RIF1: variants seen among roughly 807,000 people sequenced by gnomAD.
RIF1 encodes the protein replication timing regulatory factor 1.
Under a neutral mutation model 247.1 loss-of-function variants are expected in RIF1, and 45 were observed. That is an observed-to-expected ratio of 0.18 (90% confidence interval 0.14 to 0.23). The LOEUF is 0.23. RIF1 is among the 10% of genes least tolerant of loss of function. The probability of loss-of-function intolerance (pLI) is 1.00; values close to 1 mark genes in which losing one functional copy is unlikely to be tolerated. For synonymous variants in RIF1, 1,087 were observed against 978.8 expected (o/e 1.11, Z -2.06); for missense variants, 2,967 against 2,862.5 (o/e 1.04, Z -0.83).
intron 21 of RIF1, among the ~76,000 whole-genome samples, chr2:151,453,579 CAA>C (rs59661470): frequency 0.26 from 18,655 of 71,510 alleles, 987 homozygotes; most frequent in Admixed American, 0.36. Context: ...GACTCTGTCT[CAA>C]AAAAAAAAAA....
intron 10 of RIF1, 101 bp downstream of exon 10, chr2:151,433,329 G>A: frequency 1.1e-6 from 1 of 885,018 alleles, no homozygotes; most frequent in Non-Finnish European, 1.7e-6. Flanking sequence ...CTATTTATTA[G>A]CAGACTAGAA....
intron 21 of RIF1, among the ~76,000 whole-genome samples, chr2:151,452,182 C>T (rs904158752): frequency 1.3e-5 from 2 of 152,092 alleles, no homozygotes; most frequent in African/African-American, 2.4e-5. Context: ...TTTAACTCAT[C>T]GTTTACCTGA....
At chr2:151,505,133 T>C (rs184830411) in intron 12 of RIF1, among the ~76,000 whole-genome samples, 134 of 152,344 alleles carry the variant, frequency 8.8e-4, no homozygotes, top group Non-Finnish European at 1.5e-3. Flanking sequence ...TATATGCTTT[T>C]AGTTAAATTA....
intron 26 of RIF1, among the ~76,000 whole-genome samples, chr2:151,460,527 C>T (rs77532964): frequency 3.2e-3 from 51 of 15,980 alleles, no homozygotes; most frequent in African/African-American, 6.9e-3. Flanking sequence ...CACCTATGTT[C>T]TTATCAACTA....
chr2:151,512,175 T>C (rs2075001797), downstream of RIF1, among the ~76,000 whole-genome samples: 2 of 151,704 alleles, frequency 1.3e-5, no homozygotes, highest in African/African-American at 4.8e-5. Context: ...GGACTACAGG[T>C]GCCTGCCACC....
chr2:151,434,926 ATACT>A (rs1225137925), intron 10 of RIF1, among the ~76,000 whole-genome samples: 2 of 152,192 alleles, frequency 1.3e-5, no homozygotes, highest in African/African-American at 4.8e-5. Flanking sequence ...ACTTATAAAT[ATACT>A]TAAGCCATTT....
chr2:151,448,469 T>C (rs548452955), intron 20 of RIF1, among the ~76,000 whole-genome samples: 9 of 152,234 alleles, frequency 5.9e-5, no homozygotes, highest in Non-Finnish European at 1.3e-4. Flanking sequence ...TTAAATGGAT[T>C]TATATACATA....
In RIF1 at chr2:151,465,814, AGAT is replaced by A. The variant is rs1422170793; in HGVS notation, c.6295_6297del (p.Asp2099del). On this transcript the variant is annotated inframe_deletion, in exon 30 of 36. Coordinates refer to ENST00000444746, the MANE Select transcript of RIF1 (RefSeq NM_018151.5). The stretch of plus-strand genomic sequence containing the variant: ...AGTATAGTAAATCTGAAGAAAAATT[AGAT>A]AACAATCAAATGGTAATGGAAAGTG... 6.2e-7 allele frequency: 1 copy of A among 1,613,018 alleles called. No individual in the cohort carries two copies.
chr2:151,506,109 T>C lies in RIF1; in HGVS notation c.*862-101T>C, dbSNP rs926084817. The C allele has an allele frequency of 5.0e-6, 7 of 1,409,754 alleles. No individual in the cohort carries two copies. In the African/African-American group the frequency reaches 9.9e-5, roughly 20 times the overall value. The allele number at this position is 1,409,754 out of a possible 1,614,324, so 87.3% of individuals were successfully genotyped here. A position where few individuals can be genotyped will look rare whatever the true frequency, so the allele number is the denominator to read the frequency against. On this transcript the variant is annotated intron_variant and NMD_transcript_variant, in intron 12 of 13. Coordinates refer to the RIF1 transcript ENST00000454583. ...GGCTTTGAGTGCAACTCATAGGTCA[T>C]TGTAAATTATCAAAGGGAGGCAGAA...
At chr2:151,470,442 G>A (rs1031498912) in intron 34 of RIF1, among the ~76,000 whole-genome samples, 11 of 152,142 alleles carry the variant, frequency 7.2e-5, no homozygotes, top group African/African-American at 2.2e-4. Flanking sequence ...TTGGACTTCA[G>A]ATTTATTTCG....
the RIF1 span, chr2:151,516,573 G>A: frequency 6.4e-7 from 1 of 1,558,916 alleles, no homozygotes; most frequent in Admixed American, 1.7e-5. Flanking sequence ...CCTGGTGATA[G>A]AAAGCCATGT....
chr2:151,514,846 A>C, the RIF1 span: 1 of 1,583,988 alleles, frequency 6.3e-7, no homozygotes. Flanking sequence ...TGCATATTTG[A>C]CATGTAACAA....
At chr2:151,530,467 C>T in the RIF1 span, among the ~76,000 whole-genome samples, 5 of 152,238 alleles carry the variant, frequency 3.3e-5, no homozygotes, top group East Asian at 3.9e-4. Flanking sequence ...TAAACTGTTC[C>T]GAGGGAGCCA....
chr2:151,471,075 C>T (rs1327957430), intron 34 of RIF1, among the ~76,000 whole-genome samples: 1 of 152,062 alleles, frequency 6.6e-6, no homozygotes, highest in African/African-American at 2.4e-5. Context: ...GCTATCACTC[C>T]TCATTTCCAC....
downstream of RIF1, among the ~76,000 whole-genome samples, chr2:151,510,996 T>C (rs540390514): frequency 4.3e-4 from 65 of 152,336 alleles, no homozygotes; most frequent in Non-Finnish European, 7.2e-4. Context: ...CTGATCTGAA[T>C]TGGGGAGGAA....
At chr2:151,446,629 A>G in intron 20 of RIF1, 54 bp downstream of exon 20, 2 of 1,537,664 alleles carry the variant, frequency 1.3e-6, no homozygotes, top group South Asian at 1.2e-5. Flanking sequence ...GATTCTTTTC[A>G]AGTAAATGGA....
the RIF1 span, among the ~76,000 whole-genome samples, chr2:151,515,715 A>C: frequency 1.3e-5 from 2 of 152,234 alleles, no homozygotes; most frequent in Non-Finnish European, 2.9e-5. Context: ...ATTTACAGGA[A>C]AGTCACAAGA....
chr2:151,427,887 C>CCTCAA (rs1464042433), intron 8 of RIF1, among the ~76,000 whole-genome samples: 1 of 151,940 alleles, frequency 6.6e-6, no homozygotes, highest in Non-Finnish European at 1.5e-5. Context: ...TGAAACCCTG[C>CCTCAA]CTCAACCAAA....
intron 11 of RIF1, chr2:151,501,309 T>G: frequency 1.1e-6 from 1 of 931,184 alleles, no homozygotes; most frequent in Non-Finnish European, 1.7e-6. Flanking sequence ...TTGATTATTA[T>G]AAAGGGATGA....
Sources: gnomAD v4.1 joint callset for allele counts (sites outside exome capture counted in the v4.1 genomes callset) on GRCh38, gnomAD v4.1.1 for gene constraint, MANE v1.5 for transcripts, NCBI Gene and HGNC (gene_info 2026-07-23, HGNC 2026-07-21) for gene names.